KDM5C: variants seen among roughly 807,000 people sequenced by gnomAD.
KDM5C encodes the protein lysine-specific demethylase 5C.
In KDM5C, 16 loss-of-function variants were observed where a neutral mutation model predicts 110.6. The observed-to-expected ratio is 0.14, with a 90% CI of 0.10 to 0.22. The LOEUF is 0.22. Among genes scored for constraint, KDM5C ranks in the 10% least tolerant of loss-of-function variants. KDM5C has a pLI of 1.00. For missense variants in KDM5C, 681 were observed against 1,300.9 expected (o/e 0.52, Z 7.33); for synonymous variants, 511 against 520.4 (o/e 0.98, Z 0.24).
intron 2 of KDM5C, 103 bp from the exon 3 acceptor site, chrX:53,218,501 T>C: frequency 2.1e-6 from 2 of 939,835 alleles, no homozygotes; most frequent in African/African-American, 3.8e-5. Context: ...ACTCCACACT[T>C]TCACTACCCA....
chrX:53,197,543 T>C lies in KDM5C; in HGVS notation c.2622+228A>G, dbSNP rs914589000. 8 of 408,338 alleles carry C rather than the reference T, an allele frequency of 2.0e-5. No homozygotes were observed. The African/African-American group carries it at 2.0e-4, about 10-fold the overall frequency. The allele number at this position is 408,338 out of a possible 1,213,427, so 33.7% of individuals were successfully genotyped here. A position where few individuals can be genotyped will look rare whatever the true frequency, so the allele number is the denominator to read the frequency against. ...CCTCTACCCCTCCTCCAGGAAACCT[T>C]ACCTGGACTCTGTATCCTATACCCA... On this transcript the variant is annotated intron_variant, in intron 18 of 25. Transcript: ENST00000375401.
chrX:53,199,226 C>T, intron 14 of KDM5C, 68 bp from the exon 15 acceptor site: 2 of 1,052,671 alleles, frequency 1.9e-6, no homozygotes, highest in Non-Finnish European at 2.7e-6. Flanking sequence ...ATCTCAGCCA[C>T]CACCGACCCC....
chrX:53,212,925 C>T (rs1417232424), intron 8 of KDM5C, among the ~76,000 whole-genome samples: 1 of 110,695 alleles, frequency 9.0e-6, no homozygotes, highest in East Asian at 2.9e-4. Context: ...CGCTTGAACC[C>T]GGGAGGCAGA....
chrX:53,194,014 A>T (rs1186971765), intron 23 of KDM5C, 125 bp downstream of exon 23: 2 of 993,126 alleles, frequency 2.0e-6, no homozygotes, highest in East Asian at 6.7e-5. Flanking sequence ...CAGATGCAGA[A>T]TGGAGTAGGA....
At chrX:53,204,720 T>C (rs1440498590) in intron 12 of KDM5C, among the ~76,000 whole-genome samples, 1 of 111,301 alleles carries the variant, frequency 9.0e-6, no homozygotes, top group African/African-American at 3.3e-5. Flanking sequence ...ATGGTCTCAA[T>C]CTCCTGACCT....
chrX:53,192,873 GCCC>G lies in KDM5C; in HGVS notation c.*91_*93del. 1 of 230,674 alleles carries G rather than the reference GCCC, an allele frequency of 4.3e-6. No individual in the cohort carries two copies. 19.0% of individuals were successfully genotyped at this position (230,674 alleles called of 1,213,427 possible). A position where few individuals can be genotyped will look rare whatever the true frequency, so the allele number is the denominator to read the frequency against. ...AGCAGGGATGGCCACCCCCCTACCC[GCCC>G]ACCCCCCAAGAAGCAGGCTTGATGG... On this transcript the variant is annotated 3_prime_UTR_variant, in exon 26 of 26. Transcript: ENST00000375401.
intron 12 of KDM5C, among the ~76,000 whole-genome samples, chrX:53,209,752 A>C (rs189120370): frequency 8.9e-6 from 1 of 112,252 alleles, no homozygotes; most frequent in Non-Finnish European, 1.9e-5. Context: ...AATTCCCAGG[A>C]ATATAAAGTC....
intron 25 of KDM5C, among the ~76,000 whole-genome samples, chrX:53,181,938 A>G (rs1482368029): frequency 9.2e-5 from 10 of 109,003 alleles, no homozygotes; most frequent in Middle Eastern, 4.7e-3. Flanking sequence ...ACAGGCGCCC[A>G]CCACCACACC....
downstream of KDM5C, among the ~76,000 whole-genome samples, chrX:53,187,574 C>A (rs1394280227): frequency 9.1e-6 from 1 of 110,084 alleles, no homozygotes; most frequent in African/African-American, 3.3e-5. Flanking sequence ...CACCATTGTA[C>A]CTAGGGTGTG....
chrX:53,190,955 G>C (rs1420890098), downstream of KDM5C, among the ~76,000 whole-genome samples: 4 of 111,666 alleles, frequency 3.6e-5, no homozygotes, highest in Non-Finnish European at 7.5e-5. Flanking sequence ...AAGCCCTTGA[G>C]GCAGGCATGA....
rs1556832161 is a variant in KDM5C, at chrX:53,193,064, G to A, written c.4586C>T (p.Ala1529Val). ...CGAGGGGCCTGAAGTGGTCCCTTCC[G>A]CCGGTTCCAAGCCATTCTGGTTCTC... ...TQENQNGLEP[A>V]EGTTSGPSAP... The change falls in exon 26 of 26, where the codon GCG (alanine) becomes GTG (valine). Residue 1529 changes from alanine (A) to valine (V), a missense_variant. Physicochemically the swap from Ala to Val is moderately conservative, Grantham distance 64 (BLOSUM62 0). Transcript: ENST00000375401. 2.5e-6 allele frequency: 3 copies of A among 1,207,736 alleles called. No individual in the cohort carries two copies. The highest frequency in any genetic ancestry group is 3.0e-5 in the East Asian group (1 of 33,645).
chrX:53,221,841 G>A (rs1556854849), intron 1 of KDM5C: 1 of 647,604 alleles, frequency 1.5e-6, no homozygotes, highest in East Asian at 8.5e-5. Flanking sequence ...GTCAGGGAAA[G>A]ATCATGAAAG....
chrX:53,197,778 T>A lies in KDM5C; in HGVS notation c.2615A>T (p.Asp872Val). ...NLPCAMHQIG[D>V]VKGVLEQVEA... is the part of the protein sequence containing the mutation. ...CACTCCAAGCGTCCTCACCTTGACA[T>A]CCCCAATCTGGTGCATGGCGCAAGG... is the stretch of plus-strand genomic sequence containing the variant. The change falls in exon 18 of 26, where the codon GAT becomes GTT. Residue 872 changes from aspartate to valine, a missense_variant. By Grantham distance (152) the Asp-to-Val change is radical (BLOSUM62 -3). This residue lies in a region of KDM5C where 123 missense variants were observed against 169.0 expected (regional missense o/e 0.73). Transcript: ENST00000375401. The A allele has an allele frequency of 8.3e-7, 1 of 1,202,002 alleles. No homozygotes were observed. The highest frequency in any genetic ancestry group is 1.1e-6 in the Non-Finnish European group (1 of 889,702).
intron 3 of KDM5C, 67 bp from the exon 4 acceptor site, chrX:53,218,033 T>C (rs782598754): frequency 8.4e-5 from 93 of 1,112,038 alleles, no homozygotes; most frequent in Non-Finnish European, 1.1e-4. Flanking sequence ...AGTAGGCCTG[T>C]AGAAAGGGCA....
chrX:53,208,597 C>G (rs1394867190), intron 12 of KDM5C, among the ~76,000 whole-genome samples: 3 of 99,751 alleles, frequency 3.0e-5, no homozygotes, highest in Admixed American at 1.1e-4. Flanking sequence ...CCTCCGCCTC[C>G]TGGGTTCAAG....
Position 53,201,839 on chromosome X carries a change from A to G in KDM5C, c.1866+15T>C. The G allele has an allele frequency of 1.7e-6, 2 of 1,210,129 alleles. No individual in the cohort carries two copies. Among genetic ancestry groups the G allele is most frequent in the South Asian group, 3.5e-5 (2 of 56,862 alleles). ...TCCTGCTTCTCCCCACCATCCCACC[A>G]CATTCTAGACTCACCCAGTCAGCAG... On this transcript the variant is annotated intron_variant, in intron 13 of 25. Coordinates refer to ENST00000375401, the MANE Select transcript of KDM5C (RefSeq NM_004187.5).
At chrX:53,204,742 C>T (rs190934773) in intron 12 of KDM5C, among the ~76,000 whole-genome samples, 3 of 111,693 alleles carry the variant, frequency 2.7e-5, no homozygotes, top group East Asian at 5.6e-4. Context: ...ATGATCCACC[C>T]GCCTCGGCCT....
downstream of KDM5C, among the ~76,000 whole-genome samples, chrX:53,188,244 T>C (rs1289218712): frequency 9.0e-6 from 1 of 110,645 alleles, no homozygotes; most frequent in Non-Finnish European, 1.9e-5. Flanking sequence ...GGAAGCAACA[T>C]GAATCACCAG....
At chrX:53,220,991 T>A in intron 1 of KDM5C, 75 bp from the exon 2 acceptor site, 1 of 911,883 alleles carries the variant, frequency 1.1e-6, no homozygotes, top group Non-Finnish European at 1.6e-6. Context: ...CAAAAGCAGC[T>A]CGGAATCCCA....
Sources: gnomAD v4.1 joint callset for allele counts (sites outside exome capture counted in the v4.1 genomes callset) on GRCh38, gnomAD v4.1.1 for gene constraint, gnomAD v4.1.1 regional missense constraint, MANE v1.5 for transcripts, NCBI Gene and HGNC (gene_info 2026-07-23, HGNC 2026-07-21) for gene names.